ARHGAP10: variants seen among roughly 807,000 people sequenced by gnomAD.
ARHGAP10 encodes Rho GTPase activating protein 10.
In ARHGAP10, 87 loss-of-function variants were observed where a neutral mutation model predicts 108.6. The observed-to-expected ratio is 0.80, with a 90% CI of 0.67 to 0.96. The LOEUF is 0.96. ARHGAP10 is among the 40% of genes least tolerant of loss of function. The pLI is 0.00. For synonymous variants in ARHGAP10, 347 were observed against 341.1 expected (o/e 1.02, Z -0.19); for missense variants, 939 against 954.5 (o/e 0.98, Z 0.21).
chr4:147,774,324 A>G (rs1579027299), intron 1 of ARHGAP10, among the ~76,000 whole-genome samples: 1 of 152,198 alleles, frequency 6.6e-6, no homozygotes, highest in South Asian at 2.1e-4. Context: ...CTAGGCAAGC[A>G]TGAACTCTTG....
intron 22 of ARHGAP10, among the ~76,000 whole-genome samples, chr4:148,067,017 C>T (rs1331090269): frequency 6.6e-6 from 1 of 152,154 alleles, no homozygotes; most frequent in Non-Finnish European, 1.5e-5. Flanking sequence ...CTGGGGCACC[C>T]CGGGTGTCTC....
intron 5 of ARHGAP10, chr4:147,861,977 C>G (rs7700162): frequency 0.91 from 139,050 of 152,214 alleles, 64,624 homozygotes; most frequent in Non-Finnish European, 1. Flanking sequence ...TGGCTTGAAG[C>G]TGGGGTTTCA....
At chr4:147,875,271 C>A in intron 8 of ARHGAP10, 121 bp downstream of exon 8, 1 of 1,080,534 alleles carries the variant, frequency 9.3e-7, no homozygotes, top group Non-Finnish European at 1.3e-6. Flanking sequence ...TCTCTCCCTG[C>A]TCCTATCACC....
chr4:147,906,546 T>TA (rs35780665), intron 10 of ARHGAP10, 92 bp from the exon 11 acceptor site: 585,305 of 862,782 alleles, frequency 0.68, 172,165 homozygotes, highest in Non-Finnish European at 0.72. Context: ...CAGATAAAAG[T>TA]AAAAAAAAAA....
At chr4:147,837,770 T>C (rs1342363949) in intron 3 of ARHGAP10, among the ~76,000 whole-genome samples, 2 of 151,372 alleles carry the variant, frequency 1.3e-5, no homozygotes, top group Non-Finnish European at 2.9e-5. Flanking sequence ...TTTTTGGCTT[T>C]TATGGTGGGA....
intron 18 of ARHGAP10, among the ~76,000 whole-genome samples, chr4:148,000,506 C>T (rs1021225368): frequency 2.0e-5 from 3 of 152,218 alleles, no homozygotes; most frequent in African/African-American, 7.2e-5. Flanking sequence ...GCCATACTGT[C>T]TTCCACAATG....
At chr4:147,745,658 AT>A (rs1239791471) in intron 1 of ARHGAP10, among the ~76,000 whole-genome samples, 1 of 151,656 alleles carries the variant, frequency 6.6e-6, no homozygotes, top group Non-Finnish European at 1.5e-5. Context: ...CGCCCTGCTA[AT>A]TTTTTGTATT....
At chr4:148,010,587 C>CATAA (rs1741132533) in intron 18 of ARHGAP10, among the ~76,000 whole-genome samples, 1 of 152,016 alleles carries the variant, frequency 6.6e-6, no homozygotes, top group Non-Finnish European at 1.5e-5. Flanking sequence ...AGACTAAGTT[C>CATAA]CTTTATATCA....
chr4:147,891,523 A>G (rs1735794064), intron 10 of ARHGAP10, among the ~76,000 whole-genome samples: 1 of 152,198 alleles, frequency 6.6e-6, no homozygotes, highest in African/African-American at 2.4e-5. Flanking sequence ...AAAATGTTCT[A>G]AAATTGATTT....
At chr4:147,855,660 T>G (rs1734055139) in intron 4 of ARHGAP10, among the ~76,000 whole-genome samples, 1 of 151,926 alleles carries the variant, frequency 6.6e-6, no homozygotes, top group African/African-American at 2.4e-5. Flanking sequence ...GTAAGAAAAC[T>G]TAGGTTCTAT....
chr4:147,797,931 A>G (rs1433678530), intron 1 of ARHGAP10, among the ~76,000 whole-genome samples: 1 of 150,372 alleles, frequency 6.7e-6, no homozygotes, highest in Non-Finnish European at 1.5e-5. Context: ...ATCTCATCCC[A>G]TCCCTCTCCT....
intron 5 of ARHGAP10, chr4:147,862,579 C>T: frequency 6.6e-6 from 1 of 152,396 alleles, no homozygotes; most frequent in Non-Finnish European, 1.5e-5. Context: ...GCCGCTGCTG[C>T]CATCATTGCC....
rs1456044123 is a variant in ARHGAP10, at chr4:147,761,943, T to C, written c.154+29488T>C. On this transcript the variant is annotated intron_variant, in intron 1 of 22. Transcript: ENST00000336498. ...CTTTTCTTGTTCATTCTCTTGACTC[T>C]ACTTTTCATGCTTACACCCAGATCA... is the stretch of plus-strand genomic sequence containing the variant. Among the ~76,000 whole-genome samples the C allele has an allele frequency of 2.6e-5, 4 of 152,366 alleles. No homozygotes were observed. The East Asian group carries it at 7.7e-4, about 29-fold the overall frequency.
chr4:148,049,162 C>T (rs925906239), intron 20 of ARHGAP10, among the ~76,000 whole-genome samples: 2 of 152,138 alleles, frequency 1.3e-5, no homozygotes, highest in African/African-American at 2.4e-5. Flanking sequence ...ATGAGTGCCT[C>T]TTGGACTTGA....
chr4:147,965,154 A>C, intron 17 of ARHGAP10, 25 bp downstream of exon 17: 1 of 1,559,306 alleles, frequency 6.4e-7, no homozygotes, highest in East Asian at 2.3e-5. Flanking sequence ...CTTCGTTTTA[A>C]CTTTCTTCAC....
chr4:148,035,254 C>T (rs1385930031), intron 19 of ARHGAP10, among the ~76,000 whole-genome samples: 1 of 152,128 alleles, frequency 6.6e-6, no homozygotes, highest in Non-Finnish European at 1.5e-5. Flanking sequence ...TTCTTTAAAT[C>T]TTTGGGCAAC....
chr4:147,776,752 G>A (rs928454965), intron 1 of ARHGAP10, among the ~76,000 whole-genome samples: 3 of 152,204 alleles, frequency 2.0e-5, no homozygotes, highest in African/African-American at 4.8e-5. Flanking sequence ...CAGCTGCCTC[G>A]CTCATGGGGC....
chr4:147,845,244 A>G (rs1187098824), intron 3 of ARHGAP10, among the ~76,000 whole-genome samples: 2 of 152,196 alleles, frequency 1.3e-5, no homozygotes, highest in African/African-American at 4.8e-5. Context: ...ACCTCCTCTA[A>G]TGCATTCCTC....
chr4:147,813,317 C>T (rs1327957888), intron 1 of ARHGAP10, among the ~76,000 whole-genome samples: 1 of 152,202 alleles, frequency 6.6e-6, no homozygotes, highest in African/African-American at 2.4e-5. Context: ...ACAGCCCCTG[C>T]TGGGGAGAAA....
Sources: gnomAD v4.1 joint callset for allele counts (sites outside exome capture counted in the v4.1 genomes callset) on GRCh38, gnomAD v4.1.1 for gene constraint, MANE v1.5 for transcripts, NCBI Gene and HGNC (gene_info 2026-07-23, HGNC 2026-07-21) for gene names.